Variants in CLDN10 observed in about 807,000 individuals in gnomAD.
CLDN10 encodes claudin-10.
In CLDN10, 15 loss-of-function variants were observed where a neutral mutation model predicts 22.9. That is an observed-to-expected ratio of 0.65 (90% confidence interval 0.44 to 1.01). CLDN10 has a LOEUF of 1.01. CLDN10 is among the 50% of genes least tolerant of loss of function. CLDN10 has a pLI of 0.00. For missense variants in CLDN10, 247 were observed against 287.8 expected (o/e 0.86, Z 1.03); for synonymous variants, 114 against 111.4 (o/e 1.02, Z -0.15).
intron 1 of CLDN10, among the ~76,000 whole-genome samples, chr13:95,464,027 G>A (rs1374677310): frequency 6.6e-6 from 1 of 151,800 alleles, no homozygotes; most frequent in Non-Finnish European, 1.5e-5. Flanking sequence ...TTATGAAGCT[G>A]TCTAATCTAA....
intron 1 of CLDN10, among the ~76,000 whole-genome samples, chr13:95,542,083 CAGAGCA>C (rs893620195): frequency 6.6e-6 from 1 of 152,140 alleles, no homozygotes; most frequent in African/African-American, 2.4e-5. Context: ...GTCACATGGC[CAGAGCA>C]AGAGCAAGAG....
At chr13:95,526,431 T>C (rs1193895151) in intron 1 of CLDN10, among the ~76,000 whole-genome samples, 1 of 152,176 alleles carries the variant, frequency 6.6e-6, no homozygotes, top group Non-Finnish European at 1.5e-5. Context: ...GCCATTTTAC[T>C]AGGGAAACTT....
intron 1 of CLDN10, among the ~76,000 whole-genome samples, chr13:95,460,503 T>C (rs1277724424): frequency 6.6e-6 from 1 of 152,144 alleles, no homozygotes; most frequent in African/African-American, 2.4e-5. Context: ...CTTCTTCACA[T>C]GGCAAAAAGG....
chr13:95,501,750 C>T (rs1337849119), intron 1 of CLDN10, among the ~76,000 whole-genome samples: 1 of 152,064 alleles, frequency 6.6e-6, no homozygotes, highest in African/African-American at 2.4e-5. Context: ...TAATCTCTGC[C>T]TTTATTTGAA....
At chr13:95,536,911 A>T (rs887885143) in intron 1 of CLDN10, among the ~76,000 whole-genome samples, 1 of 152,194 alleles carries the variant, frequency 6.6e-6, no homozygotes, top group Non-Finnish European at 1.5e-5. Flanking sequence ...TGCTAGTGGT[A>T]TTTAAATTTC....
chr13:95,489,379 C>T (rs936049700), intron 1 of CLDN10, among the ~76,000 whole-genome samples: 5 of 152,096 alleles, frequency 3.3e-5, no homozygotes, highest in African/African-American at 9.7e-5. Context: ...CCCATGCCAA[C>T]GTCTACTGGT....
chr13:95,440,835 A>C (rs1208215023), intron 1 of CLDN10, among the ~76,000 whole-genome samples: 1 of 152,252 alleles, frequency 6.6e-6, no homozygotes. Context: ...CACAATGCTG[A>C]AAAGTGCCCT....
chr13:95,514,244 G>A (rs981614346), intron 1 of CLDN10, among the ~76,000 whole-genome samples: 3 of 152,078 alleles, frequency 2.0e-5, no homozygotes, highest in Admixed American at 2.0e-4. Flanking sequence ...GGGTGACAGA[G>A]GAAGACCCTG....
chr13:95,555,152 G>A (rs1215577154), intron 1 of CLDN10, among the ~76,000 whole-genome samples: 1 of 148,484 alleles, frequency 6.7e-6, no homozygotes, highest in Non-Finnish European at 1.5e-5. Context: ...CCAGGTACAA[G>A]TGATTCTCCT....
At chr13:95,529,776 C>T (rs1462677103) in intron 1 of CLDN10, among the ~76,000 whole-genome samples, 6 of 152,198 alleles carry the variant, frequency 3.9e-5, no homozygotes, top group African/African-American at 7.2e-5. Context: ...ATTCCAGTTT[C>T]GCTTTTTTTT....
At chr13:95,541,885 C>G (rs944224764) in intron 1 of CLDN10, among the ~76,000 whole-genome samples, 1 of 152,200 alleles carries the variant, frequency 6.6e-6, no homozygotes, top group Non-Finnish European at 1.5e-5. Context: ...TACCTCACAA[C>G]TATGTTAGTC....
intron 1 of CLDN10, among the ~76,000 whole-genome samples, chr13:95,541,172 A>G (rs2043456164): frequency 6.6e-6 from 1 of 152,252 alleles, no homozygotes; most frequent in African/African-American, 2.4e-5. Flanking sequence ...TTGTAAAGGA[A>G]ATCAGGCCTT....
intron 1 of CLDN10, among the ~76,000 whole-genome samples, chr13:95,520,985 T>C (rs1176459570): frequency 6.6e-6 from 1 of 152,088 alleles, no homozygotes; most frequent in Admixed American, 6.6e-5. Flanking sequence ...AGCAAAATTG[T>C]TGGATGCATA....
At chr13:95,494,745 A>G (rs984234743) in intron 1 of CLDN10, among the ~76,000 whole-genome samples, 2 of 152,222 alleles carry the variant, frequency 1.3e-5, no homozygotes, top group African/African-American at 4.8e-5. Flanking sequence ...GTTCTGAAGA[A>G]CAGAGAATCT....
At chr13:95,433,804 G>A (rs1005029558) in exon 1 of CLDN10, 8 of 1,610,996 alleles carry the variant, frequency 5.0e-6, no homozygotes, top group South Asian at 1.1e-5. Flanking sequence ...CGTTCTGACC[G>A]GACAGTGTCA....
chr13:95,505,021 G>A (rs1033418225), intron 1 of CLDN10, among the ~76,000 whole-genome samples: 8 of 152,204 alleles, frequency 5.3e-5, no homozygotes, highest in Non-Finnish European at 8.8e-5. Context: ...TATTGAAGGT[G>A]GCAGGGAATT....
At chr13:95,545,730 T>C (rs1196993526) in intron 1 of CLDN10, among the ~76,000 whole-genome samples, 2 of 152,204 alleles carry the variant, frequency 1.3e-5, no homozygotes, top group African/African-American at 4.8e-5. Flanking sequence ...TTAAATATTT[T>C]CACCAGAAAA....
chr13:95,551,335 C>G (rs1000799158), upstream of CLDN10, among the ~76,000 whole-genome samples: 1 of 152,202 alleles, frequency 6.6e-6, no homozygotes, highest in African/African-American at 2.4e-5. Flanking sequence ...CACTGAACTG[C>G]TGGTCCTGAA....
intron 1 of CLDN10, among the ~76,000 whole-genome samples, chr13:95,483,041 T>G (rs2042766451): frequency 6.6e-6 from 1 of 152,208 alleles, no homozygotes; most frequent in South Asian, 2.1e-4. Flanking sequence ...GAGGCCAACA[T>G]TCTTACTGGT....
Sources: gnomAD v4.1 joint callset for allele counts (sites outside exome capture counted in the v4.1 genomes callset) on GRCh38, gnomAD v4.1.1 for gene constraint, MANE v1.5 for transcripts, NCBI Gene and HGNC (gene_info 2026-07-23, HGNC 2026-07-21) for gene names.